SNX29: variants seen among roughly 807,000 people sequenced by gnomAD.
SNX29 encodes sorting nexin-29.
In SNX29, 78 loss-of-function variants were observed where a neutral mutation model predicts 102.1. That is an observed-to-expected ratio of 0.76 (90% CI 0.64 to 0.92). The LOEUF (loss-of-function observed/expected upper bound fraction) is 0.92. Ranked by LOEUF, SNX29 falls within the 40% of genes least tolerant of loss-of-function variation. The probability of loss-of-function intolerance (pLI) is 0.00; values close to 1 mark genes in which losing one functional copy is unlikely to be tolerated. For synonymous variants in SNX29, 580 were observed against 414.5 expected, an observed-to-expected ratio of 1.40 and a Z score of -4.85; for missense variants, 1,280 against 1,061.7, an observed-to-expected ratio of 1.21 and a Z score of -2.86.
intron 15 of SNX29, among the ~76,000 whole-genome samples, chr16:12,328,464 A>G (rs956213829): frequency 6.6e-6 from 1 of 152,198 alleles, no homozygotes; most frequent in Non-Finnish European, 1.5e-5. Flanking sequence ...AACTCTTAGA[A>G]GCACAGGCTA....
chr16:12,448,270 C>G (rs570389692), intron 18 of SNX29, among the ~76,000 whole-genome samples: 3 of 152,290 alleles, frequency 2.0e-5, no homozygotes, highest in African/African-American at 7.2e-5. Context: ...GTCCTCCTTG[C>G]AACCCCAGTG....
chr16:12,462,832 G>C (rs2086867134), intron 18 of SNX29, among the ~76,000 whole-genome samples: 1 of 152,198 alleles, frequency 6.6e-6, no homozygotes, highest in African/African-American at 2.4e-5. Context: ...GGAGCAGCCT[G>C]TTTAGCAATG....
intron 18 of SNX29, among the ~76,000 whole-genome samples, chr16:12,405,362 C>G (rs2084117284): frequency 6.6e-6 from 1 of 152,132 alleles, no homozygotes; most frequent in East Asian, 1.9e-4. Context: ...ATTGTTTCCA[C>G]AGTGGCCACT....
At chr16:12,407,547 A>G (rs1410427004) in intron 18 of SNX29, among the ~76,000 whole-genome samples, 4 of 152,236 alleles carry the variant, frequency 2.6e-5, no homozygotes, top group Admixed American at 2.6e-4. Flanking sequence ...GGGTAGCACT[A>G]TAAAGGAACA....
At chr16:12,374,594 G>A (rs888941824) in intron 16 of SNX29, 1 of 152,250 alleles carries the variant, frequency 6.6e-6, no homozygotes, top group Admixed American at 6.5e-5. Flanking sequence ...GAGGTCTGAG[G>A]TTGATGCTAG....
chr16:12,004,718 G>A (rs1357244573), intron 3 of SNX29, among the ~76,000 whole-genome samples: 2 of 152,032 alleles, frequency 1.3e-5, no homozygotes, highest in African/African-American at 2.4e-5. Context: ...AATTTTAACA[G>A]CCATGAGAAA....
intron 13 of SNX29, among the ~76,000 whole-genome samples, chr16:12,191,484 C>T (rs896343726): frequency 6.6e-6 from 1 of 152,154 alleles, no homozygotes; most frequent in Non-Finnish European, 1.5e-5. Context: ...TTCCCCTTCT[C>T]TCCTCCCCCA....
chr16:12,476,523 T>G (rs1418935638), intron 18 of SNX29, among the ~76,000 whole-genome samples: 2 of 146,518 alleles, frequency 1.4e-5, no homozygotes, highest in African/African-American at 5.0e-5. Context: ...ATTTCTCGTT[T>G]GTTGAAGAAG....
intron 13 of SNX29, among the ~76,000 whole-genome samples, chr16:12,165,860 G>C (rs771595849): frequency 6.6e-6 from 1 of 152,188 alleles, no homozygotes; most frequent in Non-Finnish European, 1.5e-5. Context: ...CACCACACCC[G>C]GCCAGACTTT....
At chr16:12,269,932 G>T (rs2079042355) in intron 14 of SNX29, among the ~76,000 whole-genome samples, 1 of 151,780 alleles carries the variant, frequency 6.6e-6, no homozygotes, top group African/African-American at 2.4e-5. Context: ...GCGATCTTGG[G>T]TCGCTGCAGT....
chr16:12,446,622 C>G (rs912266612), intron 18 of SNX29, among the ~76,000 whole-genome samples: 1 of 151,996 alleles, frequency 6.6e-6, no homozygotes, highest in Non-Finnish European at 1.5e-5. Flanking sequence ...AAGAGTTGGC[C>G]CTGTGGAGGG....
intron 19 of SNX29, among the ~76,000 whole-genome samples, chr16:12,501,533 C>T (rs528273136): frequency 6.6e-6 from 1 of 152,056 alleles, no homozygotes; most frequent in South Asian, 2.1e-4. Flanking sequence ...ACCAGCCTGG[C>T]CAACGTGAGG....
At chr16:12,119,826 C>T (rs190937665) in intron 11 of SNX29, among the ~76,000 whole-genome samples, 2 of 152,326 alleles carry the variant, frequency 1.3e-5, no homozygotes, top group African/African-American at 4.8e-5. Flanking sequence ...GTCTCTGTTG[C>T]CTCATTCAGA....
Position 12,400,191 on chromosome 16 carries a change from C to G in SNX29, c.1955+1690C>G, listed in dbSNP as rs561996114. On this transcript the variant is annotated intron_variant, in intron 17 of 20. Transcript: ENST00000566228. Reference sequence around the variant, plus strand: ...CCCTCTCAGCATGGAGACTGAAATCCTTTGTGGAGCTTACGAAGAAGGCCC... The same window carrying G: ...CCCTCTCAGCATGGAGACTGAAATCGTTTGTGGAGCTTACGAAGAAGGCCC... Among the ~76,000 whole-genome samples, 4 of 152,300 alleles carry G rather than the reference C, an allele frequency of 2.6e-5. No homozygotes were observed. The South Asian group carries it at 8.3e-4, about 32-fold the overall frequency.
intron 19 of SNX29, among the ~76,000 whole-genome samples, chr16:12,483,114 G>GTTTTTTT (rs574090459): frequency 0.032 from 2,113 of 65,806 alleles, 386 homozygotes; most frequent in African/African-American, 0.039. Flanking sequence ...AAGTTATTAA[G>GTTTTTTT]TTTTTTTTTT....
intron 3 of SNX29, among the ~76,000 whole-genome samples, chr16:12,013,500 A>AAAAAAAAAAAAAT: frequency 3.8e-4 from 12 of 31,626 alleles, no homozygotes; most frequent in Non-Finnish European, 7.4e-4. Flanking sequence ...AAAAAAAAAA[A>AAAAAAAAAAAAAT]ATATATATAT....
chr16:12,500,409 A>G (rs3902078), intron 19 of SNX29, among the ~76,000 whole-genome samples: 6,080 of 152,214 alleles, frequency 0.04, 293 homozygotes, highest in East Asian at 0.24. Context: ...AGTGAGGTAC[A>G]TAGGTACTCA....
rs372342382 is a variant in SNX29 at position 12,256,725 on chromosome 16, T to C, written c.1679-21208T>C. On this transcript the variant is annotated intron_variant, in intron 14 of 20. Transcript: ENST00000566228. ...TACCAGGCTACTATCTGACTTAAAA[T>C]GGGGAACAAGACAGAGTTCCTGGGT... Among the ~76,000 whole-genome samples the C allele has an allele frequency of 8.1e-4, 124 of 152,290 alleles. 2 individuals are homozygous for C. In the South Asian group the frequency reaches 0.024, roughly 29 times the overall value.
chr16:12,535,388 G>C (rs1208600480), intron 20 of SNX29, among the ~76,000 whole-genome samples: 2 of 152,164 alleles, frequency 1.3e-5, no homozygotes, highest in Non-Finnish European at 2.9e-5. Context: ...CACCCATCTC[G>C]GCCTCCCAAA....
Sources: allele counts gnomAD v4.1 joint callset (sites outside exome capture counted in the v4.1 genomes callset), GRCh38; gene constraint gnomAD v4.1.1; transcripts MANE v1.5; gene names NCBI Gene and HGNC (gene_info 2026-07-23, HGNC 2026-07-21).